PTPRK: variants seen among roughly 807,000 people sequenced by gnomAD.
The protein encoded by PTPRK is receptor-type tyrosine-protein phosphatase kappa.
In PTPRK, 75 loss-of-function variants were observed where a neutral mutation model predicts 178.0. That is an observed-to-expected ratio of 0.42 (90% CI 0.35 to 0.51). The LOEUF (loss-of-function observed/expected upper bound fraction) is 0.51, where lower values mean the gene tolerates loss of function less well. PTPRK is among the 20% of genes least tolerant of loss of function. The pLI, the probability that PTPRK is intolerant of heterozygous loss-of-function variation, is 0.02. For missense variants in PTPRK, 1,441 were observed against 1,797.8 expected (o/e 0.80, Z 3.59); for synonymous variants, 637 against 620.6 (o/e 1.03, Z -0.39).
Position 128,035,064 on chromosome 6 carries a change from T to A in PTPRK, c.2195-25796A>T, listed in dbSNP as rs139951148. ...TTAAAATGTCTTTTTATTCAAAAGA[T>A]GATGCAGATTAAAAACAATTACATT... On this transcript the variant is annotated intron_variant, in intron 13 of 29. Transcript: ENST00000368226. 2.3e-3 allele frequency among the ~76,000 whole-genome samples: 350 copies of A among 152,274 alleles called. 2 individuals are homozygous for A. Among genetic ancestry groups the A allele is most frequent in the Non-Finnish European group, 2.4e-3 (163 of 68,028 alleles).
At chr6:128,123,015 A>G (rs1298415953) in intron 7 of PTPRK, among the ~76,000 whole-genome samples, 2 of 152,208 alleles carry the variant, frequency 1.3e-5, no homozygotes, top group African/African-American at 4.8e-5. Flanking sequence ...ATTTGGAATA[A>G]GGCTCTTTGC....
intron 13 of PTPRK, among the ~76,000 whole-genome samples, chr6:128,055,990 C>CTTTT (rs60796705): frequency 1.5e-5 from 2 of 132,654 alleles, no homozygotes; most frequent in Admixed American, 7.6e-5. Flanking sequence ...TTTTTCTTTT[C>CTTTT]TTTTTTTTTT....
intron 2 of PTPRK, among the ~76,000 whole-genome samples, chr6:128,385,535 T>C (rs1353917990): frequency 6.6e-6 from 1 of 152,202 alleles, no homozygotes; most frequent in Non-Finnish European, 1.5e-5. Context: ...GTCATGTCCA[T>C]ATATTCTTAC....
chr6:128,422,160 G>A (rs1199863783), intron 1 of PTPRK, among the ~76,000 whole-genome samples: 1 of 152,150 alleles, frequency 6.6e-6, no homozygotes, highest in Non-Finnish European at 1.5e-5. Context: ...TTTTTAGCAT[G>A]TTATTTTTGT....
intron 5 of PTPRK, chr6:128,238,185 C>CAAAAAAAAAAAAA (rs58051125): frequency 3.7e-4 from 76 of 206,392 alleles, no homozygotes; most frequent in Middle Eastern, 1.5e-3. Context: ...TAGCAAACGC[C>CAAAAAAAAAAAAA]AAAAAAAAAA....
intron 1 of PTPRK, among the ~76,000 whole-genome samples, chr6:128,515,373 T>G (rs942624178): frequency 1.3e-5 from 2 of 152,214 alleles, no homozygotes; most frequent in Non-Finnish European, 2.9e-5. Flanking sequence ...AATTGATGTC[T>G]TGTACTTTTT....
chr6:128,375,544 AT>A, intron 2 of PTPRK, among the ~76,000 whole-genome samples: 1 of 152,212 alleles, frequency 6.6e-6, no homozygotes, highest in South Asian at 2.1e-4. Context: ...ACAAGATGAG[AT>A]TTTGGTGGGG....
intron 13 of PTPRK, among the ~76,000 whole-genome samples, chr6:128,058,671 G>T (rs1005320782): frequency 2.0e-5 from 3 of 151,516 alleles, no homozygotes; most frequent in African/African-American, 7.3e-5. Flanking sequence ...TTTTTGTTTA[G>T]CATATTTCTA....
rs200670022 is a variant in PTPRK, at chr6:127,973,832, A to G, written c.3970-5T>C. ...CATCAGATAACCTTCCTGTGGCTGT[A>G]GAGGGAAGTGTTTTTATGTAAATAC... On this transcript the variant is annotated splice_polypyrimidine_tract_variant and splice_region_variant and intron_variant, in intron 27 of 29. Transcript: ENST00000368226. The G allele has an allele frequency of 4.1e-5, 66 of 1,609,730 alleles. No homozygotes were observed. Among genetic ancestry groups the G allele is most frequent in the Non-Finnish European group, 9.3e-6 (11 of 1,176,958 alleles).
At chr6:128,135,681 C>A (rs569068002) in intron 7 of PTPRK, among the ~76,000 whole-genome samples, 63 of 152,172 alleles carry the variant, frequency 4.1e-4, no homozygotes, top group African/African-American at 1.4e-3. Context: ...TATCCCTATG[C>A]CCTCTGAGCC....
At chr6:128,018,554 A>G (rs72975941) in intron 13 of PTPRK, among the ~76,000 whole-genome samples, 15,576 of 151,582 alleles carry the variant, frequency 0.1, 1,030 homozygotes, top group Non-Finnish European at 0.15. Flanking sequence ...CAGCTTTGCC[A>G]CAAGTTGACC....
chr6:127,970,277 G>C lies in PTPRK; in HGVS notation c.4273C>G (p.Gln1425Glu). The C allele has an allele frequency of 6.2e-7, 1 of 1,609,802 alleles. No individual in the cohort carries two copies. Among genetic ancestry groups the C allele is most frequent in the Non-Finnish European group, 8.5e-7 (1 of 1,177,436 alleles). Residue 1425 changes from glutamine (Q) to glutamate (E), a missense_variant, in exon 30 of 30, where the codon CAA becomes GAA. Physicochemically the swap from Gln to Glu is conservative, Grantham distance 29. Around this residue, in one of 4 missense-constraint regions of PTPRK, gnomAD observed 335 missense variants for 512.4 expected, o/e 0.65. Transcript: ENST00000368226. ...GCTACATCATAGCAGAAACGGTATT[G>C]CTCCTGAAAGATGTCAAAACACAAA... is the stretch of plus-strand genomic sequence containing the variant. ...SKPNMVEAPE[Q>E]YRFCYDVALE...
chr6:128,460,845 T>C (rs921811079), intron 1 of PTPRK, among the ~76,000 whole-genome samples: 4 of 152,236 alleles, frequency 2.6e-5, no homozygotes, highest in African/African-American at 9.6e-5. Flanking sequence ...CTGATCAAAG[T>C]TGATATTAGT....
chr6:128,414,985 C>T (rs758928218), intron 1 of PTPRK, among the ~76,000 whole-genome samples: 1 of 152,090 alleles, frequency 6.6e-6, no homozygotes, highest in Non-Finnish European at 1.5e-5. Context: ...ATTGATTTGG[C>T]CAAGGTCAGA....
At chr6:128,249,764 G>A (rs998711666) in intron 3 of PTPRK, among the ~76,000 whole-genome samples, 3 of 152,088 alleles carry the variant, frequency 2.0e-5, no homozygotes, top group African/African-American at 7.2e-5. Context: ...TGGTACCCAA[G>A]TTCATCATGA....
At chr6:128,099,194 A>ATTT (rs561083480) in intron 7 of PTPRK, among the ~76,000 whole-genome samples, 3 of 149,858 alleles carry the variant, frequency 2.0e-5, no homozygotes, top group African/African-American at 7.3e-5. Context: ...ATATATATAT[A>ATTT]TATTTTTTCT....
At chr6:128,092,833 T>C (rs536860572) in intron 7 of PTPRK, among the ~76,000 whole-genome samples, 21 of 152,336 alleles carry the variant, frequency 1.4e-4, no homozygotes, top group Non-Finnish European at 2.4e-4. Context: ...CTGCATTGTA[T>C]TTCTGAGGTA....
intron 3 of PTPRK, among the ~76,000 whole-genome samples, chr6:128,254,787 G>C (rs1562877085): frequency 6.6e-6 from 1 of 151,848 alleles, no homozygotes; most frequent in Non-Finnish European, 1.5e-5. Flanking sequence ...CAAACTTTTT[G>C]AAGAATACCT....
intron 7 of PTPRK, among the ~76,000 whole-genome samples, chr6:128,133,319 A>G (rs567993859): frequency 3.3e-4 from 51 of 152,298 alleles, no homozygotes; most frequent in Admixed American, 9.8e-4. Flanking sequence ...TCTAAAGTAA[A>G]TATCAAAAAG....
Sources: allele counts gnomAD v4.1 joint callset (sites outside exome capture counted in the v4.1 genomes callset), GRCh38; gene constraint gnomAD v4.1.1; regional missense constraint gnomAD v4.1.1; transcripts MANE v1.5; gene names NCBI Gene and HGNC (gene_info 2026-07-23, HGNC 2026-07-21).